EPC1: variants seen among roughly 807,000 people sequenced by gnomAD.
The protein encoded by EPC1 is enhancer of polycomb 1, also known as enhancer of polycomb homolog 1.
In EPC1, 12 loss-of-function variants were observed where a neutral mutation model predicts 98.4. That is an observed-to-expected ratio of 0.12 (90% CI 0.08 to 0.20). EPC1 has a LOEUF of 0.20. EPC1 is among the 10% of genes least tolerant of loss of function. The pLI, the probability that EPC1 is intolerant of heterozygous loss-of-function variation, is 1.00. For synonymous variants in EPC1, 357 were observed against 363.9 expected (o/e 0.98, Z 0.21); for missense variants, 729 against 990.5 (o/e 0.74, Z 3.54).
chr10:32,361,671 AG>A (rs1466469897), intron 1 of EPC1, among the ~76,000 whole-genome samples: 1 of 152,184 alleles, frequency 6.6e-6, no homozygotes, highest in Admixed American at 6.5e-5. Context: ...CAAGCTTCAG[AG>A]CGAAACTCTC....
chr10:32,271,696 C>T lies in EPC1; in HGVS notation c.2227G>A (p.Val743Ile). Reference protein sequence around the residue: ...RLTVPSSVATVNSIAPINARH... With the variant: ...RLTVPSSVATINSIAPINARH... Reference sequence around the variant, plus strand: ...GCATTTATTGGGGCAATAGAGTTTACAGTGGCAACTGATGAAGGTACAGTT... The same window carrying T: ...GCATTTATTGGGGCAATAGAGTTTATAGTGGCAACTGATGAAGGTACAGTT... The change falls in exon 13 of 14, where the codon GTA (valine) becomes ATA (isoleucine). Residue 743 changes from valine to isoleucine, a missense_variant. By Grantham distance (29) the Val-to-Ile change is conservative (BLOSUM62 3). Transcript: ENST00000319778. 6.2e-7 allele frequency: 1 copy of T among 1,614,222 alleles called. No homozygotes were observed. The highest frequency in any genetic ancestry group is 2.2e-5 in the East Asian group (1 of 44,886).
rs187314358 is a variant in EPC1 at position 32,325,124 on chromosome 10, A to C, written c.154-19193T>G. 6.9e-3 allele frequency among the ~76,000 whole-genome samples: 1,053 copies of C among 152,348 alleles called. 6 individuals are homozygous for C. Among genetic ancestry groups the C allele is most frequent in the Non-Finnish European group, 0.011 (763 of 68,016 alleles). ...ATAATCAATTCTCACTGTAGAACTT[A>C]AGGACGTTTTATGATAAATTCAAGC... On this transcript the variant is annotated intron_variant, in intron 1 of 13. Transcript: ENST00000319778.
At chr10:32,302,392 C>G (rs552047299) in intron 2 of EPC1, among the ~76,000 whole-genome samples, 1 of 149,792 alleles carries the variant, frequency 6.7e-6, no homozygotes, top group Non-Finnish European at 1.5e-5. Context: ...TCATGCCTAT[C>G]ATCCCAGCAC....
At chr10:32,320,016 T>C (rs1836799159) in intron 1 of EPC1, among the ~76,000 whole-genome samples, 1 of 152,140 alleles carries the variant, frequency 6.6e-6, no homozygotes, top group Non-Finnish European at 1.5e-5. Flanking sequence ...AGTGCCACGA[T>C]GTAGGCAACT....
Position 32,286,845 on chromosome 10 carries a change from T to TA in EPC1, c.1243-4dup, listed in dbSNP as rs376270941. On this transcript the variant is annotated splice_region_variant and splice_polypyrimidine_tract_variant and intron_variant, in intron 8 of 13. Transcript: ENST00000319778. ...TTGCCAGTTTGGTCTAAGTGAGGCT[T>TA]AAAAAAAAAAATCCAAATTATTTAA... is the stretch of plus-strand genomic sequence containing the variant. 2.0e-3 allele frequency: 2,465 copies of TA among 1,236,130 alleles called. No homozygotes were observed. The highest frequency in any genetic ancestry group is 3.8e-3 in the Admixed American group (173 of 46,034). The allele number at this position is 1,236,130 out of a possible 1,614,324, so 76.6% of individuals were successfully genotyped here. A position where few individuals can be genotyped will look rare whatever the true frequency, so the allele number is the denominator to read the frequency against.
intron 6 of EPC1, among the ~76,000 whole-genome samples, 153 bp from the exon 7 acceptor site, chr10:32,287,427 TAAAGTCTAGAG>T (rs1434742229): frequency 2.0e-5 from 3 of 152,204 alleles, no homozygotes; most frequent in Non-Finnish European, 4.4e-5. Flanking sequence ...TCTTATAGTG[TAAAGTCTAGAG>T]AAGTTGGCCT....
At chr10:32,317,074 G>A (rs370728719) in intron 1 of EPC1, among the ~76,000 whole-genome samples, 1 of 152,066 alleles carries the variant, frequency 6.6e-6, no homozygotes, top group African/African-American at 2.4e-5. Context: ...CTGAACCCCA[G>A]AACACTGTGT....
intron 1 of EPC1, among the ~76,000 whole-genome samples, chr10:32,326,178 C>G (rs781460277): frequency 6.6e-6 from 1 of 152,126 alleles, no homozygotes; most frequent in Non-Finnish European, 1.5e-5. Context: ...TACACAAAAA[C>G]GAATACTGAA....
chr10:32,353,359 T>C (rs1170973521), intron 1 of EPC1, among the ~76,000 whole-genome samples: 1 of 152,138 alleles, frequency 6.6e-6, no homozygotes, highest in African/African-American at 2.4e-5. Flanking sequence ...TGTGGGCATG[T>C]TTGTATACTA....
At chr10:32,333,686 C>G (rs891917385) in intron 1 of EPC1, among the ~76,000 whole-genome samples, 2 of 152,124 alleles carry the variant, frequency 1.3e-5, no homozygotes. Flanking sequence ...AAGACAGTAC[C>G]TCAGAATACT....
chr10:32,335,948 A>T (rs756035322), intron 1 of EPC1, among the ~76,000 whole-genome samples: 1 of 152,008 alleles, frequency 6.6e-6, no homozygotes, highest in Non-Finnish European at 1.5e-5. Flanking sequence ...AATTCCACAG[A>T]GCCTTCCATC....
intron 1 of EPC1, among the ~76,000 whole-genome samples, chr10:32,315,265 C>G (rs1225238137): frequency 6.6e-6 from 1 of 152,110 alleles, no homozygotes; most frequent in African/African-American, 2.4e-5. Flanking sequence ...TGAAAAGGAT[C>G]AACCTAAATA....
rs541447769 is a variant in EPC1 at position 32,305,342 on chromosome 10, G to A, written c.313+430C>T. On this transcript the variant is annotated intron_variant, in intron 2 of 13. Transcript: ENST00000319778. ...TAGCTGATTTTGCACTGCAACAGCA[G>A]AACTGAATAGTTGTGACAGAATGAC... Among the ~76,000 whole-genome samples, 42 of 152,328 alleles carry A rather than the reference G, an allele frequency of 2.8e-4. 1 individual carries two copies. In the South Asian group the frequency reaches 8.3e-3, roughly 30 times the overall value.
At chr10:32,331,671 C>G in intron 1 of EPC1, among the ~76,000 whole-genome samples, 1 of 152,178 alleles carries the variant, frequency 6.6e-6, no homozygotes, top group Non-Finnish European at 1.5e-5. Context: ...TTAAAAAAGA[C>G]TACCTCAGAT....
chr10:32,314,773 G>C (rs1836454557), intron 1 of EPC1, among the ~76,000 whole-genome samples: 1 of 152,202 alleles, frequency 6.6e-6, no homozygotes, highest in African/African-American at 2.4e-5. Context: ...TGTAGATAAA[G>C]CCTATCTGGA....
upstream of EPC1, among the ~76,000 whole-genome samples, chr10:32,350,268 G>T (rs1193414534): frequency 6.6e-6 from 1 of 152,202 alleles, no homozygotes; most frequent in Non-Finnish European, 1.5e-5. Flanking sequence ...TACTGTCATT[G>T]TAGGGGATAC....
At chr10:32,269,879 AC>A (rs1176597369) in intron 13 of EPC1, among the ~76,000 whole-genome samples, 5 of 152,256 alleles carry the variant, frequency 3.3e-5, no homozygotes. Flanking sequence ...ATTGCTACAA[AC>A]CCTGCTTTCT....
chr10:32,301,560 C>A (rs899752282), intron 2 of EPC1, among the ~76,000 whole-genome samples: 4 of 152,140 alleles, frequency 2.6e-5, no homozygotes, highest in African/African-American at 4.8e-5. Flanking sequence ...CTCAAGACAG[C>A]GATATTGTCT....
chr10:32,376,713 G>T lies in EPC1; in HGVS notation c.3+1778C>A, dbSNP rs1445108188. Among the ~76,000 whole-genome samples the T allele has an allele frequency of 2.6e-5, 4 of 152,052 alleles. No individual in the cohort carries two copies. In the South Asian group the frequency reaches 8.3e-4, roughly 31 times the overall value. On this transcript the variant is annotated intron_variant, in intron 1 of 13. Coordinates refer to the EPC1 transcript ENST00000375110. ...ATCCTTTTACTTCAACCTGTTAAAT[G>T]ATTAAAAAGTGAAATGAGCATTTAC... is the stretch of plus-strand genomic sequence containing the variant.
Sources: allele counts gnomAD v4.1 joint callset (sites outside exome capture counted in the v4.1 genomes callset), GRCh38; gene constraint gnomAD v4.1.1; transcripts MANE v1.5; gene names NCBI Gene and HGNC (gene_info 2026-07-23, HGNC 2026-07-21).